LRRC32: variants seen among roughly 807,000 people sequenced by gnomAD.
LRRC32 encodes leucine rich repeat containing 32, also known as transforming growth factor beta activator LRRC32.
LRRC32 carries 5 observed loss-of-function variants against 15.0 expected under a neutral mutation model. The observed-to-expected ratio is 0.33, with a 90% CI of 0.17 to 0.70. The LOEUF (loss-of-function observed/expected upper bound fraction) is 0.70. LRRC32 is among the 30% of genes least tolerant of loss of function. LRRC32 has a pLI of 0.66. For missense variants in LRRC32, 803 were observed against 854.2 expected, an observed-to-expected ratio of 0.94 and a Z score of 0.75; for synonymous variants, 391 against 403.9, an observed-to-expected ratio of 0.97 and a Z score of 0.38.
chr11:76,664,637 T>A (rs1398372748), intron 2 of LRRC32, among the ~76,000 whole-genome samples: 1 of 152,220 alleles, frequency 6.6e-6, no homozygotes, highest in East Asian at 1.9e-4. Flanking sequence ...GTCACACATC[T>A]TCTCCTTACT....
At chr11:76,668,859 A>T (rs2120114848) in intron 1 of LRRC32, among the ~76,000 whole-genome samples, 1 of 152,254 alleles carries the variant, frequency 6.6e-6, no homozygotes, top group African/African-American at 2.4e-5. Context: ...TCCAGAAGGG[A>T]TCGTCCCTGC....
At chr11:76,668,631 T>C (rs1374467582) in intron 1 of LRRC32, among the ~76,000 whole-genome samples, 1 of 152,204 alleles carries the variant, frequency 6.6e-6, no homozygotes, top group Non-Finnish European at 1.5e-5. Context: ...TTCCCACATT[T>C]ATCATTTCCT....
In LRRC32 at chr11:76,667,104, A is replaced by G. The variant is rs80087653; in HGVS notation, c.-4-1146T>C. Among the ~76,000 whole-genome samples the G allele has an allele frequency of 9.5e-3, 1,442 of 152,358 alleles. 26 individuals are homozygous for G. Among genetic ancestry groups the G allele is most frequent in the African/African-American group, 0.033 (1,383 of 41,588 alleles). Reference sequence around the variant, plus strand: ...CAGCCATGCCAAGTTTTTGTTGAGAATCAAACGAGATGCCACCTACAGAGC... The same window carrying G: ...CAGCCATGCCAAGTTTTTGTTGAGAGTCAAACGAGATGCCACCTACAGAGC... On this transcript the variant is annotated intron_variant, in intron 1 of 2. Transcript: ENST00000260061.
intron 1 of LRRC32, 137 bp from the exon 2 acceptor site, chr11:76,666,095 G>C: frequency 1.4e-6 from 1 of 735,952 alleles, no homozygotes; most frequent in South Asian, 1.7e-5. Context: ...AAGATGCTTT[G>C]AGCAGGGCAG....
At chr11:76,670,484 A>C (rs1413131372) in intron 1 of LRRC32, 130 bp downstream of exon 1, 1 of 152,154 alleles carries the variant, frequency 6.6e-6, no homozygotes. Context: ...CCACGCGCGC[A>C]GTGGGGATGG....
intron 1 of LRRC32, among the ~76,000 whole-genome samples, chr11:76,667,423 C>T (rs1338952664): frequency 6.6e-6 from 1 of 152,198 alleles, no homozygotes; most frequent in African/African-American, 2.4e-5. Flanking sequence ...AAGGCATTCA[C>T]AGGGCATTTG....
At chr11:76,667,278 C>T (rs899575107) in intron 1 of LRRC32, among the ~76,000 whole-genome samples, 4 of 152,202 alleles carry the variant, frequency 2.6e-5, no homozygotes, top group African/African-American at 9.6e-5. Flanking sequence ...CGAGGTCACA[C>T]GGTGAACAAG....
chr11:76,661,305 C>T lies in LRRC32; in HGVS notation c.288G>A (p.Leu96=). The change falls in exon 3 of 3, where the codon CTG becomes CTA. Residue 96 remains leucine (L), a synonymous_variant. Transcript: ENST00000260061. ...CCAGGCTGAGGTGCTCCAGGTGGGT[C>T]AGGGCCTGGAAGGCTCCTGGCTGGA... ...SFLQPGAFQA[L]THLEHLSLAH... The T allele has an allele frequency of 6.2e-7, 1 of 1,614,198 alleles. No homozygotes were observed.
At position 76,660,192 on chromosome 11, in the gene LRRC32, T is replaced by C. The variant is rs766830474; in HGVS notation, c.1401A>G (p.Pro467=). Residue 467 remains proline, a synonymous_variant, in exon 3 of 3, where the codon CCA becomes CCG. Coordinates refer to ENST00000260061, the MANE Select transcript of LRRC32 (RefSeq NM_001128922.2). Reference sequence around the variant, plus strand: ...TGGAAGAAAGGTCCAGCTCAGTCAGTGGGGTGTGGAGGAAGGCCCCTGCCC... The same window carrying C: ...TGGAAGAAAGGTCCAGCTCAGTCAGCGGGGTGTGGAGGAAGGCCCCTGCCC... ...LLRAGAFLHT[P]LTELDLSSNP... 9 of 1,587,138 alleles carry C rather than the reference T, an allele frequency of 5.7e-6. No individual in the cohort carries two copies. The East Asian group carries it at 1.8e-4, about 32-fold the overall frequency.
chr11:76,661,173 C>T lies in LRRC32; in HGVS notation c.420G>A (p.Leu140=). Residue 140 remains leucine (L), a synonymous_variant, in exon 3 of 3, where the codon CTG becomes CTA. Coordinates refer to ENST00000260061, the MANE Select transcript of LRRC32 (RefSeq NM_001128922.2). ...GTGCCTCCCCCAGCAGCCGCTCCAGCAGGCCGCTGTACAGGCTGTTCCCAG... is the reference window on the plus strand; with the variant it reads ...GTGCCTCCCCCAGCAGCCGCTCCAGTAGGCCGCTGTACAGGCTGTTCCCAG... ...DLSGNSLYSG[L]LERLLGEAPS... is the part of the protein sequence containing the mutation. The T allele has an allele frequency of 2.5e-6, 4 of 1,613,854 alleles. No homozygotes were observed. The highest frequency in any genetic ancestry group is 3.4e-6 in the Non-Finnish European group (4 of 1,179,910).
At position 76,661,166 on chromosome 11, in the gene LRRC32, G is replaced by T. The variant is rs369688581; in HGVS notation, c.427C>A (p.Arg143=). 3 of 1,613,806 alleles carry T rather than the reference G, an allele frequency of 1.9e-6. No homozygotes were observed. The highest frequency in any genetic ancestry group is 1.7e-6 in the Non-Finnish European group (2 of 1,179,928). The change falls in exon 3 of 3, where the codon CGG becomes AGG. Residue 143 remains arginine (R), a synonymous_variant. Coordinates refer to ENST00000260061, the MANE Select transcript of LRRC32 (RefSeq NM_001128922.2). ...AGGCTGGGTGCCTCCCCCAGCAGCC[G>T]CTCCAGCAGGCCGCTGTACAGGCTG... The part of the protein sequence containing the change: ...GNSLYSGLLE[R]LLGEAPSLHT...
At chr11:76,665,225 A>G (rs1952605503) in intron 2 of LRRC32, among the ~76,000 whole-genome samples, 1 of 152,200 alleles carries the variant, frequency 6.6e-6, no homozygotes, top group Non-Finnish European at 1.5e-5. Context: ...GGCAGGTGAG[A>G]CAGGCTTGGA....
At chr11:76,663,191 T>C (rs1273023944) in intron 2 of LRRC32, 1 of 152,254 alleles carries the variant, frequency 6.6e-6, no homozygotes, top group Non-Finnish European at 1.5e-5. Context: ...TTTTTCCTAA[T>C]GAATGAGTCC....
rs1490844171 is a variant in LRRC32 at position 76,661,301 on chromosome 11, G to A, written c.292C>T (p.His98Tyr). The change falls in exon 3 of 3, where the codon CAC becomes TAC. Residue 98 changes from histidine (H) to tyrosine (Y), a missense_variant. Physicochemically the swap from His to Tyr is moderately conservative, Grantham distance 83 (BLOSUM62 2). Coordinates refer to ENST00000260061, the MANE Select transcript of LRRC32 (RefSeq NM_001128922.2). ...LQPGAFQALT[H>Y]LEHLSLAHNR... ...TGAGCCAGGCTGAGGTGCTCCAGGT[G>A]GGTCAGGGCCTGGAAGGCTCCTGGC... is the stretch of plus-strand genomic sequence containing the variant. The A allele has an allele frequency of 1.2e-6, 2 of 1,614,086 alleles. No homozygotes were observed. Among genetic ancestry groups the A allele is most frequent in the Non-Finnish European group, 8.5e-7 (1 of 1,180,046 alleles).
chr11:76,657,682 A>T lies in LRRC32; in HGVS notation c.*1922T>A, dbSNP rs1206868153. The stretch of plus-strand genomic sequence containing the variant: ...ACCCACACCTTGGCCTCCAGGCCTA[A>T]GGAGGAGTGTTACGTGCAGTAGCAC... On this transcript the variant is annotated 3_prime_UTR_variant, in exon 3 of 3. Coordinates refer to ENST00000260061, the MANE Select transcript of LRRC32 (RefSeq NM_001128922.2). 1 of 152,806 alleles carries T rather than the reference A, an allele frequency of 6.5e-6. No homozygotes were observed. The highest frequency in any genetic ancestry group is 1.5e-5 in the Non-Finnish European group (1 of 68,106). 9.5% of individuals were successfully genotyped at this position (152,806 alleles called of 1,614,324 possible). A position where few individuals can be genotyped will look rare whatever the true frequency, so the allele number is the denominator to read the frequency against.
chr11:76,662,210 G>A (rs1008880134), intron 2 of LRRC32, among the ~76,000 whole-genome samples: 1 of 152,106 alleles, frequency 6.6e-6, no homozygotes, highest in East Asian at 1.9e-4. Context: ...TCAGGGGACC[G>A]GGCCCCTGGA....
intron 2 of LRRC32, among the ~76,000 whole-genome samples, chr11:76,664,532 C>T (rs533137299): frequency 6.6e-6 from 1 of 152,320 alleles, no homozygotes; most frequent in South Asian, 2.1e-4. Flanking sequence ...TCCATTTCAC[C>T]ACCTGATCAT....
intron 2 of LRRC32, chr11:76,662,702 C>A (rs1952557328): frequency 6.6e-6 from 1 of 152,496 alleles, no homozygotes; most frequent in Non-Finnish European, 1.5e-5. Context: ...TCACCGCCCC[C>A]AGCTTCTGTC....
chr11:76,661,652 G>T, intron 2 of LRRC32, 144 bp from the exon 3 acceptor site: 1 of 1,371,328 alleles, frequency 7.3e-7, no homozygotes, highest in Non-Finnish European at 9.6e-7. Context: ...CCCCACCGCA[G>T]CCTGATCACC....
Sources: allele counts gnomAD v4.1 joint callset (sites outside exome capture counted in the v4.1 genomes callset), GRCh38; gene constraint gnomAD v4.1.1; transcripts MANE v1.5; gene names NCBI Gene and HGNC (gene_info 2026-07-23, HGNC 2026-07-21).